ATP2B4: variants seen among roughly 807,000 people sequenced by gnomAD.
ATP2B4 encodes the protein plasma membrane calcium-transporting ATPase 4.
ATP2B4 carries 39 observed loss-of-function variants against 110.3 expected under a neutral mutation model. The ratio of observed to expected loss-of-function variants is 0.35; its 90% CI spans 0.27 to 0.46. The LOEUF is 0.46. Among genes scored for constraint, ATP2B4 ranks in the 20% least tolerant of loss-of-function variants. ATP2B4 has a pLI of 1.00. For synonymous variants in ATP2B4, 538 were observed against 571.7 expected, an observed-to-expected ratio of 0.94 and a Z score of 0.84; for missense variants, 1,135 against 1,530.9, an observed-to-expected ratio of 0.74 and a Z score of 4.32.
At chr1:203,653,092 T>C (rs112729944) in intron 1 of ATP2B4, among the ~76,000 whole-genome samples, 13 of 152,364 alleles carry the variant, frequency 8.5e-5, no homozygotes, top group Admixed American at 4.6e-4. Context: ...TTAAAAGTGC[T>C]ACTCCAGTTA....
At position 203,739,997 on chromosome 1, in the gene ATP2B4, A is replaced by G. The variant is rs1666966158; in HGVS notation, c.*143A>G. On this transcript the variant is annotated 3_prime_UTR_variant, in exon 21 of 21. Coordinates refer to ENST00000357681, the MANE Select transcript of ATP2B4 (RefSeq NM_001684.5). ...GTGTGAAGTGAACCTCTACCTGACCATGAAGAGGCAAGAGCACAGACTTAC... is the reference window on the plus strand; with the variant it reads ...GTGTGAAGTGAACCTCTACCTGACCGTGAAGAGGCAAGAGCACAGACTTAC... 1 of 907,470 alleles carries G rather than the reference A, an allele frequency of 1.1e-6. No homozygotes were observed. Among genetic ancestry groups the G allele is most frequent in the Non-Finnish European group, 1.6e-6 (1 of 616,060 alleles). 56.2% of individuals were successfully genotyped at this position (907,470 alleles called of 1,614,324 possible).
At chr1:203,707,509 CA>C (rs1665884405) in intron 9 of ATP2B4, among the ~76,000 whole-genome samples, 1 of 151,626 alleles carries the variant, frequency 6.6e-6, no homozygotes, top group Non-Finnish European at 1.5e-5. Context: ...TGCAATGATG[CA>C]ACCTCCGCCT....
At chr1:203,737,962 T>C (rs2102242416) in intron 20 of ATP2B4, among the ~76,000 whole-genome samples, 1 of 152,268 alleles carries the variant, frequency 6.6e-6, no homozygotes, top group East Asian at 1.9e-4. Flanking sequence ...TGTATGGTGG[T>C]AGGAAGCACT....
chr1:203,634,103 T>C (rs1284208027), intron 1 of ATP2B4, among the ~76,000 whole-genome samples: 1 of 152,208 alleles, frequency 6.6e-6, no homozygotes. Flanking sequence ...GTTTCATATA[T>C]GTATGGGGTG....
intron 1 of ATP2B4, among the ~76,000 whole-genome samples, chr1:203,630,671 A>C (rs976084373): frequency 3.9e-5 from 6 of 152,196 alleles, no homozygotes; most frequent in Admixed American, 2.0e-4. Context: ...CTTCCCCCGA[A>C]GGGCGCCCCT....
chr1:203,720,104 T>C (rs972674447), intron 15 of ATP2B4, among the ~76,000 whole-genome samples: 1 of 152,122 alleles, frequency 6.6e-6, no homozygotes, highest in Non-Finnish European at 1.5e-5. Context: ...AGGAAAATTT[T>C]GAACAAAGAT....
At chr1:203,632,803 G>T (rs1046146773) in intron 1 of ATP2B4, among the ~76,000 whole-genome samples, 2 of 151,654 alleles carry the variant, frequency 1.3e-5, no homozygotes, top group African/African-American at 4.8e-5. Context: ...TTCGTTTATT[G>T]TATGATAGAT....
chr1:203,649,749 A>T (rs191598468), intron 1 of ATP2B4, among the ~76,000 whole-genome samples: 33 of 152,316 alleles, frequency 2.2e-4, no homozygotes, highest in Non-Finnish European at 3.5e-4. Flanking sequence ...AGCCTTAATC[A>T]TGCCACTGTA....
intron 2 of ATP2B4, among the ~76,000 whole-genome samples, chr1:203,694,615 G>A (rs1389434230): frequency 6.6e-6 from 1 of 152,156 alleles, no homozygotes; most frequent in Admixed American, 6.5e-5. Flanking sequence ...GGACTGGGGG[G>A]CTGGGGGAGT....
In ATP2B4 at chr1:203,634,697, C is replaced by T. The variant is rs181226282; in HGVS notation, c.-465+7478C>T. On this transcript the variant is annotated intron_variant, in intron 1 of 20. Transcript: ENST00000357681. ...TGTTTGTTTTTGAGACCGGGTCTTG[C>T]TTTATCATCCAGCTGGAGTGCAGTG... Among the ~76,000 whole-genome samples, 73 of 152,062 alleles carry T rather than the reference C, an allele frequency of 4.8e-4. No individual in the cohort carries two copies. The Middle Eastern group carries it at 0.01, about 21-fold the overall frequency.
intron 1 of ATP2B4, among the ~76,000 whole-genome samples, chr1:203,638,674 T>C (rs1393834305): frequency 2.0e-5 from 3 of 152,062 alleles, no homozygotes; most frequent in East Asian, 3.9e-4. Flanking sequence ...ACCCCATCAC[T>C]GCAACACTGT....
At chr1:203,674,824 T>C (rs2102349921) in intron 1 of ATP2B4, among the ~76,000 whole-genome samples, 1 of 151,808 alleles carries the variant, frequency 6.6e-6, no homozygotes, top group East Asian at 1.9e-4. Context: ...ACCTGGCTAA[T>C]TTTTTGTATT....
chr1:203,652,940 A>G (rs1482779107), intron 1 of ATP2B4, among the ~76,000 whole-genome samples: 2 of 152,220 alleles, frequency 1.3e-5, no homozygotes, highest in East Asian at 1.9e-4. Flanking sequence ...AGAAAGAGTC[A>G]CAGGTCTCTC....
At chr1:203,660,428 GAT>G (rs1324704478) in intron 1 of ATP2B4, among the ~76,000 whole-genome samples, 1 of 149,832 alleles carries the variant, frequency 6.7e-6, no homozygotes, top group Non-Finnish European at 1.5e-5. Flanking sequence ...GGGTGGTGGA[GAT>G]AAAAAATGAG....
chr1:203,717,626 TTTTATTTATTTA>T (rs113515512), intron 15 of ATP2B4, among the ~76,000 whole-genome samples: 8 of 144,150 alleles, frequency 5.5e-5, no homozygotes, highest in South Asian at 2.3e-4. Flanking sequence ...ATGGTATTTA[TTTTATTTATTTA>T]TTTATTTATT....
chr1:203,634,248 G>A (rs1663368836), intron 1 of ATP2B4, among the ~76,000 whole-genome samples: 1 of 152,128 alleles, frequency 6.6e-6, no homozygotes, highest in African/African-American at 2.4e-5. Context: ...TCTGAAACAT[G>A]CATTACATTA....
intron 11 of ATP2B4, among the ~76,000 whole-genome samples, chr1:203,709,953 T>C (rs1665958568): frequency 6.6e-6 from 1 of 152,216 alleles, no homozygotes; most frequent in Non-Finnish European, 1.5e-5. Flanking sequence ...AACTAAATGA[T>C]TCAATGTATG....
chr1:203,694,726 G>A (rs2102377977), intron 2 of ATP2B4, among the ~76,000 whole-genome samples: 1 of 152,184 alleles, frequency 6.6e-6, no homozygotes, highest in South Asian at 2.1e-4. Context: ...GTACTGCCTT[G>A]GATCTTAAAA....
At chr1:203,676,543 T>A (rs1317237747) in intron 1 of ATP2B4, among the ~76,000 whole-genome samples, 1 of 152,094 alleles carries the variant, frequency 6.6e-6, no homozygotes, top group African/African-American at 2.4e-5. Flanking sequence ...GCACTGTCCT[T>A]TGGAAGCGTA....
Sources: allele counts gnomAD v4.1 joint callset (sites outside exome capture counted in the v4.1 genomes callset), GRCh38; gene constraint gnomAD v4.1.1; transcripts MANE v1.5; gene names NCBI Gene and HGNC (gene_info 2026-07-23, HGNC 2026-07-21).